Variants in SETDB2 observed in about 807,000 individuals in gnomAD.
The protein encoded by SETDB2 is SET domain bifurcated histone lysine methyltransferase 2.
SETDB2 carries 56 observed loss-of-function variants against 82.5 expected under a neutral mutation model. The observed-to-expected ratio is 0.68, with a 90% CI of 0.55 to 0.85. SETDB2 has a LOEUF of 0.85. SETDB2 is among the 40% of genes least tolerant of loss of function. The probability of loss-of-function intolerance (pLI) is 0.00; values close to 1 mark genes in which losing one functional copy is unlikely to be tolerated. For missense variants in SETDB2, 677 were observed against 816.4 expected (o/e 0.83, Z 2.08); for synonymous variants, 272 against 284.9 (o/e 0.95, Z 0.46).
At chr13:49,475,693 G>T (rs180909303) in intron 5 of SETDB2, among the ~76,000 whole-genome samples, 3 of 151,924 alleles carry the variant, frequency 2.0e-5, no homozygotes, top group East Asian at 1.9e-4. Context: ...TCACTGTGTT[G>T]CCCAGGCTGA....
At chr13:49,482,133 TATC>T in intron 8 of SETDB2, 1 of 985,396 alleles carries the variant, frequency 1.0e-6, no homozygotes, top group Admixed American at 6.1e-5. Flanking sequence ...GTCCAGGAAG[TATC>T]ATTGGTTTTA....
chr13:49,454,015 C>G (rs978444598), intron 2 of SETDB2, among the ~76,000 whole-genome samples: 1 of 152,096 alleles, frequency 6.6e-6, no homozygotes, highest in Non-Finnish European at 1.5e-5. Flanking sequence ...TCATTTTAGT[C>G]TCCTCACCTT....
chr13:49,486,459 G>C (rs960428530), intron 11 of SETDB2, among the ~76,000 whole-genome samples: 7 of 152,276 alleles, frequency 4.6e-5, no homozygotes, highest in African/African-American at 1.7e-4. Context: ...TTCTGCAGGA[G>C]AACTTTGCTG....
intron 5 of SETDB2, among the ~76,000 whole-genome samples, chr13:49,471,934 A>ATATATATATATATATAT (rs1378783393): frequency 5.9e-5 from 7 of 119,280 alleles, no homozygotes; most frequent in African/African-American, 2.5e-4. Flanking sequence ...ATATATATAT[A>ATATATATATATATATAT]TTTTTTTTTT....
chr13:49,488,676 T>C, intron 12 of SETDB2, 46 bp downstream of exon 12: 1 of 1,449,718 alleles, frequency 6.9e-7, no homozygotes, highest in Non-Finnish European at 9.3e-7. Flanking sequence ...ACTGTTTTTT[T>C]CTATGCTACT....
chr13:49,478,069 A>G (rs1277437757), intron 6 of SETDB2, among the ~76,000 whole-genome samples: 1 of 152,194 alleles, frequency 6.6e-6, no homozygotes, highest in African/African-American at 2.4e-5. Flanking sequence ...AAAAAAGAAT[A>G]AGAGAATGAT....
intron 4 of SETDB2, among the ~76,000 whole-genome samples, chr13:49,466,231 C>T (rs758871188): frequency 5.7e-4 from 86 of 152,008 alleles, no homozygotes; most frequent in Admixed American, 7.9e-4. Context: ...TCCAGGAGTT[C>T]AAGACCAGCC....
In SETDB2 at chr13:49,444,482, G is replaced by A. The variant is rs543029147; in HGVS notation, c.-717G>A. 1.1e-3 allele frequency: 176 copies of A among 162,866 alleles called. 2 individuals carry two copies. In the South Asian group the frequency reaches 0.013, roughly 12 times the overall value. The allele number at this position is 162,866 out of a possible 1,614,324, so 10.1% of individuals were successfully genotyped here. On this transcript the variant is annotated 5_prime_UTR_variant, in exon 1 of 14. Coordinates refer to ENST00000611815, the MANE Select transcript of SETDB2 (RefSeq NM_001160308.3). ...GGAGCTCACTCCTCAGGTCAGGCGG[G>A]CGGCGTAGAAAACGCAGCGGAGCCA...
chr13:49,489,929 A>C (rs1218686505), intron 12 of SETDB2, among the ~76,000 whole-genome samples: 2 of 23,450 alleles, frequency 8.5e-5, no homozygotes, highest in Non-Finnish European at 2.4e-4. Context: ...TTTTTTTTTT[A>C]CATAAAACAT....
At chr13:49,462,526 A>G (rs1273492081) in intron 4 of SETDB2, among the ~76,000 whole-genome samples, 1 of 152,218 alleles carries the variant, frequency 6.6e-6, no homozygotes. Context: ...GAAACCAAAT[A>G]TGTATTTCTT....
In SETDB2 at chr13:49,460,207, C is replaced by G; in HGVS notation, c.117C>G (p.Ile39Met). 1 of 1,612,774 alleles carries G rather than the reference C, an allele frequency of 6.2e-7. No homozygotes were observed. Residue 39 changes from isoleucine to methionine, a missense_variant, in exon 3 of 14, where the codon ATC becomes ATG. By Grantham distance (10) the Ile-to-Met change is conservative. This residue lies in a region of SETDB2 where 243 missense variants were observed against 237.2 expected (regional missense o/e 1.02). Coordinates refer to ENST00000611815, the MANE Select transcript of SETDB2 (RefSeq NM_001160308.3). Reference protein sequence around the residue: ...QNVLQSLKQKIKDGSATNKEY... With the variant: ...QNVLQSLKQKMKDGSATNKEY... Reference sequence around the variant, plus strand: ...TGCTGCAGTCACTGAAACAAAAGATCAAAGATGGGTCTGCCACCAATAAAG... The same window carrying G: ...TGCTGCAGTCACTGAAACAAAAGATGAAAGATGGGTCTGCCACCAATAAAG...
chr13:49,478,197 G>C, intron 6 of SETDB2, among the ~76,000 whole-genome samples: 1 of 152,154 alleles, frequency 6.6e-6, no homozygotes, highest in East Asian at 1.9e-4. Context: ...GCCTCTCATA[G>C]AGGAAACCTC....
At chr13:49,447,947 G>A (rs1339021883) in intron 1 of SETDB2, among the ~76,000 whole-genome samples, 1 of 150,972 alleles carries the variant, frequency 6.6e-6, no homozygotes, top group Non-Finnish European at 1.5e-5. Flanking sequence ...CAATTCATCT[G>A]TAAAAGTTTA....
At chr13:49,456,301 C>A (rs1288685572) in intron 2 of SETDB2, among the ~76,000 whole-genome samples, 1 of 151,998 alleles carries the variant, frequency 6.6e-6, no homozygotes, top group Non-Finnish European at 1.5e-5. Flanking sequence ...GAATTCAGAT[C>A]AGTATTATTC....
intron 12 of SETDB2, among the ~76,000 whole-genome samples, chr13:49,489,880 G>A (rs1431975899): frequency 7.2e-6 from 1 of 137,982 alleles, no homozygotes; most frequent in African/African-American, 2.7e-5. Flanking sequence ...ACAGGTGTGA[G>A]CCACCGCACC....
Position 49,470,966 on chromosome 13 carries a change from C to CTTTCTTTCTTTTTT in SETDB2, c.305+3009_305+3010insCTTTCTTTTTTTTT, listed in dbSNP as rs10695231. Among the ~76,000 whole-genome samples the CTTTCTTTCTTTTTT allele has an allele frequency of 3.2e-3, 260 of 80,440 alleles. 1 individual carries two copies. Among genetic ancestry groups the CTTTCTTTCTTTTTT allele is most frequent in the Middle Eastern group, 8.5e-3 (1 of 118 alleles). The allele number at this position is 80,440 out of a possible 152,430, so 52.8% of individuals were successfully genotyped here. On this transcript the variant is annotated intron_variant, in intron 5 of 13. Coordinates refer to ENST00000611815, the MANE Select transcript of SETDB2 (RefSeq NM_001160308.3). ...GTTTTTTTGTTTTCTTTCTTTCTTT[C>CTTTCTTTCTTTTTT]TTTTTTTTTTTTTTTTTTGAGACAG...
rs2139009392 is a variant in SETDB2, at chr13:49,493,149, A to G, written c.*1300A>G. The G allele has an allele frequency of 6.6e-6, 1 of 152,284 alleles. No individual in the cohort carries two copies. The highest frequency in any genetic ancestry group is 1.9e-4 in the East Asian group (1 of 5,188). The allele number at this position is 152,284 out of a possible 1,614,324, so 9.4% of individuals were successfully genotyped here. On this transcript the variant is annotated 3_prime_UTR_variant, in exon 14 of 14. Coordinates refer to ENST00000611815, the MANE Select transcript of SETDB2 (RefSeq NM_001160308.3). ...AGTGGAAAAGGGGACTGGGAAGCCC[A>G]AGCAGACTGGGAAACCAGACAGCTA...
chr13:49,449,764 T>G (rs747668787), intron 1 of SETDB2, among the ~76,000 whole-genome samples: 8 of 152,224 alleles, frequency 5.3e-5, no homozygotes, highest in Non-Finnish European at 1.2e-4. Context: ...ATGATATCTT[T>G]AAGAATTTTT....
chr13:49,459,726 G>A (rs1957956501), intron 2 of SETDB2, among the ~76,000 whole-genome samples: 1 of 152,044 alleles, frequency 6.6e-6, no homozygotes, highest in Non-Finnish European at 1.5e-5. Flanking sequence ...TATTTCAGCA[G>A]CCATTGAGTT....
Sources: allele counts gnomAD v4.1 joint callset (sites outside exome capture counted in the v4.1 genomes callset), GRCh38; gene constraint gnomAD v4.1.1; regional missense constraint gnomAD v4.1.1; transcripts MANE v1.5; gene names NCBI Gene and HGNC (gene_info 2026-07-23, HGNC 2026-07-21).